RASGEF1C: variants seen among roughly 807,000 people sequenced by gnomAD.
RASGEF1C encodes the protein ras-GEF domain-containing family member 1C.
A neutral mutation model predicts 58.1 loss-of-function variants in RASGEF1C; 27 were observed. That is an observed-to-expected ratio of 0.46 (90% CI 0.34 to 0.64). The LOEUF (loss-of-function observed/expected upper bound fraction) is 0.64. Among genes scored for constraint, RASGEF1C ranks in the 30% least tolerant of loss-of-function variants. The pLI is 0.01. For missense variants in RASGEF1C, 502 were observed against 605.1 expected (o/e 0.83, Z 1.79); for synonymous variants, 243 against 246.3 (o/e 0.99, Z 0.13).
chr5:180,129,283 G>A (rs902179888), intron 4 of RASGEF1C, among the ~76,000 whole-genome samples: 5 of 152,218 alleles, frequency 3.3e-5, no homozygotes. Flanking sequence ...GCAACAGATA[G>A]AAGAGTCGGA....
At chr5:180,172,339 G>A (rs1767125024) in intron 1 of RASGEF1C, among the ~76,000 whole-genome samples, 1 of 152,006 alleles carries the variant, frequency 6.6e-6, no homozygotes. Flanking sequence ...CCTCCTCCTA[G>A]GCAGGAACGG....
intron 1 of RASGEF1C, among the ~76,000 whole-genome samples, chr5:180,179,430 T>C (rs1368039235): frequency 6.6e-6 from 1 of 151,296 alleles, no homozygotes; most frequent in Admixed American, 6.6e-5. Context: ...GCACAGGGAG[T>C]GGAGCAGCCC....
At chr5:180,208,965 A>C (rs1756546187) in intron 1 of RASGEF1C, 63 bp downstream of exon 1, 1 of 136,356 alleles carries the variant, frequency 7.3e-6, no homozygotes, top group Non-Finnish European at 1.6e-5. Context: ...AGCCCTCCCC[A>C]GCCCCCGCGA....
chr5:180,115,266 G>A lies in RASGEF1C; in HGVS notation c.1084-725C>T, dbSNP rs755082962. The A allele has an allele frequency of 5.8e-5, 25 of 434,288 alleles. No homozygotes were observed. The East Asian group carries it at 7.8e-4, about 14-fold the overall frequency. 26.9% of individuals were successfully genotyped at this position (434,288 alleles called of 1,614,324 possible). On this transcript the variant is annotated intron_variant, in intron 10 of 13. Transcript: ENST00000361132. ...CCTGACCTTGTGATCTGCTCGCCTC[G>A]GCCTCCCAAGGTGGCCTCCTTTTTA...
intron 1 of RASGEF1C, among the ~76,000 whole-genome samples, chr5:180,199,848 C>A (rs750313240): frequency 6.6e-6 from 1 of 152,130 alleles, no homozygotes; most frequent in Non-Finnish European, 1.5e-5. Context: ...ATTTCTTGAA[C>A]GTGCATTCAA....
intron 1 of RASGEF1C, among the ~76,000 whole-genome samples, chr5:180,141,261 A>C (rs1364273100): frequency 6.6e-6 from 1 of 152,226 alleles, no homozygotes; most frequent in East Asian, 1.9e-4. Flanking sequence ...GCCTCACAAT[A>C]TTCCATTGTT....
At chr5:180,195,000 C>T (rs1756239823) in intron 1 of RASGEF1C, among the ~76,000 whole-genome samples, 1 of 152,186 alleles carries the variant, frequency 6.6e-6, no homozygotes, top group Non-Finnish European at 1.5e-5. Flanking sequence ...CCTCCTGTAC[C>T]GAGGCCATGC....
At chr5:180,106,606 T>G (rs1765877887) in intron 12 of RASGEF1C, among the ~76,000 whole-genome samples, 1 of 152,242 alleles carries the variant, frequency 6.6e-6, no homozygotes, top group African/African-American at 2.4e-5. Flanking sequence ...GATTATAATT[T>G]AATCCCACTG....
chr5:180,121,303 T>G (rs1158847039), intron 6 of RASGEF1C, among the ~76,000 whole-genome samples, 154 bp from the exon 7 acceptor site: 1 of 150,812 alleles, frequency 6.6e-6, no homozygotes, highest in Non-Finnish European at 1.5e-5. Context: ...ACGCTTTCAG[T>G]CCTCTTAAAA....
chr5:180,200,109 A>G (rs1756358016), intron 1 of RASGEF1C, among the ~76,000 whole-genome samples: 1 of 151,650 alleles, frequency 6.6e-6, no homozygotes. Context: ...AAAATACAAA[A>G]ATTATCTGGG....
Position 180,158,085 on chromosome 5 carries a change from C to T in RASGEF1C, c.-6-20027G>A, listed in dbSNP as rs907095907. On this transcript the variant is annotated intron_variant, in intron 1 of 13. Coordinates refer to ENST00000361132, the MANE Select transcript of RASGEF1C (RefSeq NM_175062.4). This position sits in a 1 kb window ranked among gnomAD's most constrained non-coding sequence, Gnocchi z 4.0. ...GGGGGATGTGGGAAATCTCTACTTT[C>T]TGCTCAGTTTCGCTGCGAACCTAAA... 6.6e-6 allele frequency among the ~76,000 whole-genome samples: 1 copy of T among 152,176 alleles called. No homozygotes were observed. Among genetic ancestry groups the T allele is most frequent in the South Asian group, 2.1e-4 (1 of 4,824 alleles).
At chr5:180,142,708 G>A (rs983707193) in intron 1 of RASGEF1C, among the ~76,000 whole-genome samples, 5 of 152,062 alleles carry the variant, frequency 3.3e-5, no homozygotes, top group East Asian at 1.9e-4. Context: ...AGAAAGGTGC[G>A]GATGGTGGGA....
intron 1 of RASGEF1C, among the ~76,000 whole-genome samples, chr5:180,204,867 T>C (rs1437141742): frequency 6.6e-6 from 1 of 152,164 alleles, no homozygotes; most frequent in Non-Finnish European, 1.5e-5. Flanking sequence ...AATTTGTAGA[T>C]GACAGAATGA....
At chr5:180,151,598 C>T (rs1029742883) in intron 1 of RASGEF1C, among the ~76,000 whole-genome samples, 1 of 151,762 alleles carries the variant, frequency 6.6e-6, no homozygotes, top group African/African-American at 2.4e-5. Context: ...AATGTTAGAC[C>T]TAAAACCATA....
intron 11 of RASGEF1C, among the ~76,000 whole-genome samples, chr5:180,113,779 ATTGGGGATGGATGGAGGG>A (rs1766015440): frequency 1.3e-5 from 2 of 151,540 alleles, no homozygotes; most frequent in African/African-American, 4.9e-5. Flanking sequence ...GGACGGAGGG[ATTGGGGATGGATGGAGGG>A]ACCGAGGATG....
intron 1 of RASGEF1C, among the ~76,000 whole-genome samples, chr5:180,154,603 T>C (rs1202888187): frequency 7.0e-6 from 1 of 142,950 alleles, no homozygotes; most frequent in East Asian, 2.1e-4. Context: ...TTTTTTGAGA[T>C]GGAGTCTCGC....
At chr5:180,150,605 G>A (rs920033065) in intron 1 of RASGEF1C, among the ~76,000 whole-genome samples, 12 of 152,122 alleles carry the variant, frequency 7.9e-5, no homozygotes, top group South Asian at 2.1e-4. Context: ...TGAGGTAGGC[G>A]GATCACCTGA....
At position 180,197,739 on chromosome 5, in the gene RASGEF1C, C is replaced by T. The variant is rs988554243; in HGVS notation, c.-7+11289G>A. ...AATGGCACTGTGCAGGTGCTTAAACCGTCACAGAGAGCAGTGGTCATTTTA... is the reference window on the plus strand; with the variant it reads ...AATGGCACTGTGCAGGTGCTTAAACTGTCACAGAGAGCAGTGGTCATTTTA... On this transcript the variant is annotated intron_variant, in intron 1 of 13. Transcript: ENST00000361132. The surrounding 1 kb of genome is among the most constrained non-coding windows in gnomAD (Gnocchi z 4.7). 6.6e-6 allele frequency among the ~76,000 whole-genome samples: 1 copy of T among 152,294 alleles called. No homozygotes were observed. The highest frequency in any genetic ancestry group is 1.9e-4 in the East Asian group (1 of 5,172).
intron 8 of RASGEF1C, 118 bp from the exon 9 acceptor site, chr5:180,118,984 A>G: frequency 2.2e-6 from 2 of 927,066 alleles, no homozygotes; most frequent in Non-Finnish European, 3.5e-6. Flanking sequence ...TCAGCCTGTC[A>G]CATGGTGGGT....
Sources: gnomAD v4.1 joint callset for allele counts (sites outside exome capture counted in the v4.1 genomes callset) on GRCh38, gnomAD v4.1.1 for gene constraint, Gnocchi (gnomAD v3.1) non-coding constraint, MANE v1.5 for transcripts, NCBI Gene and HGNC (gene_info 2026-07-23, HGNC 2026-07-21) for gene names.